HK1: variants seen among roughly 807,000 people sequenced by gnomAD.
HK1 encodes hexokinase 1.
In HK1, 28 loss-of-function variants were observed where a neutral mutation model predicts 91.6. The ratio of observed to expected loss-of-function variants is 0.31; its 90% CI spans 0.23 to 0.42. HK1 has a LOEUF of 0.42. Ranked by LOEUF, HK1 falls within the 10% of genes least tolerant of loss-of-function variation. The pLI is 1.00. For synonymous variants in HK1, 430 were observed against 468.1 expected (o/e 0.92, Z 1.05); for missense variants, 770 against 1,219.8 (o/e 0.63, Z 5.49).
intron 12 of HK1, among the ~76,000 whole-genome samples, chr10:69,385,143 T>G (rs185751869): frequency 2.0e-5 from 3 of 152,274 alleles, no homozygotes; most frequent in Admixed American, 2.0e-4. Flanking sequence ...CTTCTGGTCC[T>G]CCAAGCAAAA....
rs1267058895 is a variant in HK1, at chr10:69,401,611, C to T, written c.*476C>T. The T allele has an allele frequency of 3.5e-5, 14 of 397,154 alleles. No individual in the cohort carries two copies. Among genetic ancestry groups the T allele is most frequent in the Non-Finnish European group, 6.9e-5 (14 of 202,360 alleles). 24.6% of individuals were successfully genotyped at this position (397,154 alleles called of 1,614,324 possible). On this transcript the variant is annotated 3_prime_UTR_variant, in exon 18 of 18. Coordinates refer to ENST00000359426, the MANE Select transcript of HK1 (RefSeq NM_000188.3). ...AAGGCGAGTGTGGGCATAGCATTAG[C>T]TGCTTCCTCCCCTCCTGGCACCCAC... is the stretch of plus-strand genomic sequence containing the variant.
chr10:69,348,690 A>T (rs1848691939), intron 2 of HK1, among the ~76,000 whole-genome samples: 3 of 152,178 alleles, frequency 2.0e-5, no homozygotes, highest in Admixed American at 2.0e-4. Flanking sequence ...CGGTGCCTGT[A>T]ATCCCAGCTA....
At chr10:69,372,159 G>T (rs1343295956) in intron 7 of HK1, among the ~76,000 whole-genome samples, 1 of 152,186 alleles carries the variant, frequency 6.6e-6, no homozygotes, top group Non-Finnish European at 1.5e-5. Flanking sequence ...TCAATATCAC[G>T]AGAATTGCGT....
chr10:69,284,678 G>A lies in HK1; in HGVS notation c.-215+1974G>A, dbSNP rs568441694. ...TTCTGAGACAGAATCTTGCCCTGTC[G>A]CCCAGGCTGGAGTGCAGTGGCACAA... On this transcript the variant is annotated intron_variant, in intron 2 of 21. Transcript: ENST00000360289. Among the ~76,000 whole-genome samples, 7 of 152,208 alleles carry A rather than the reference G, an allele frequency of 4.6e-5. No individual in the cohort carries two copies. The East Asian group carries it at 5.8e-4, about 13-fold the overall frequency.
rs1183371825 is a variant in HK1, at chr10:69,369,198, T to A, written c.592-39T>A. 6.9e-7 allele frequency: 1 copy of A among 1,450,116 alleles called. No homozygotes were observed. The highest frequency in any genetic ancestry group is 2.3e-5 in the East Asian group (1 of 44,134). The allele number at this position is 1,450,116 out of a possible 1,614,324, so 89.8% of individuals were successfully genotyped here. A position where few individuals can be genotyped will look rare whatever the true frequency, so the allele number is the denominator to read the frequency against. The stretch of plus-strand genomic sequence containing the variant: ...TTAAGGTGTGTGATCTCTGCTCCCA[T>A]GTGTGAGTGGACAATGACACCCCGT... On this transcript the variant is annotated intron_variant, in intron 5 of 17. Transcript: ENST00000359426. The surrounding 1 kb of genome is among the most constrained non-coding windows in gnomAD (Gnocchi z 4.4).
chr10:69,400,983 C>T lies in HK1; in HGVS notation c.2610-8C>T, dbSNP rs1305618104. ...TCCAACTACCTTCTGTTTTCTCGTC[C>T]TTTTTAGCTTCTCCAGAATCATGCA... On this transcript the variant is annotated splice_polypyrimidine_tract_variant and splice_region_variant and intron_variant, in intron 17 of 17. Coordinates refer to ENST00000359426, the MANE Select transcript of HK1 (RefSeq NM_000188.3). The T allele has an allele frequency of 6.2e-7, 1 of 1,614,086 alleles. No individual in the cohort carries two copies. Among genetic ancestry groups the T allele is most frequent in the African/African-American group, 1.3e-5 (1 of 74,936 alleles).
Position 69,380,447 on chromosome 10 carries a change from G to A in HK1, c.1265+352G>A, listed in dbSNP as rs1197933260. ...TGCTTCTGCACTCTGTCGTTACCTC[G>A]CCCTGTCAAAAGTCGAGATGGAGAT... is the stretch of plus-strand genomic sequence containing the variant. On this transcript the variant is annotated intron_variant, in intron 9 of 17. Coordinates refer to ENST00000359426, the MANE Select transcript of HK1 (RefSeq NM_000188.3). The surrounding 1 kb of genome is among the most constrained non-coding windows in gnomAD (Gnocchi z 4.0). Among the ~76,000 whole-genome samples the A allele has an allele frequency of 6.6e-6, 1 of 152,062 alleles. No individual in the cohort carries two copies. Among genetic ancestry groups the A allele is most frequent in the African/African-American group, 2.4e-5 (1 of 41,404 alleles).
chr10:69,338,594 C>A, intron 1 of HK1: 1 of 1,289,354 alleles, frequency 7.8e-7, no homozygotes, highest in Non-Finnish European at 1.0e-6. Context: ...AGGGATTCTT[C>A]GGGCACTGAT....
intron 5 of HK1, among the ~76,000 whole-genome samples, chr10:69,309,466 C>T (rs1846256620): frequency 7.5e-6 from 1 of 134,120 alleles, no homozygotes; most frequent in Non-Finnish European, 1.6e-5. Context: ...CAGGTGTGAG[C>T]CACCGCGCCT....
intron 1 of HK1, among the ~76,000 whole-genome samples, chr10:69,343,400 A>G (rs1343942993): frequency 2.0e-5 from 3 of 152,198 alleles, no homozygotes; most frequent in Non-Finnish European, 4.4e-5. Context: ...CTCTGGGGCT[A>G]GGATTGAACC....
intron 5 of HK1, among the ~76,000 whole-genome samples, chr10:69,301,244 CAAA>C (rs35215102): frequency 1.8e-5 from 2 of 113,464 alleles, no homozygotes; most frequent in African/African-American, 6.8e-5. Flanking sequence ...GACTCCATCT[CAAA>C]AAAAAAAAAA....
chr10:69,377,231 A>G, intron 8 of HK1, 142 bp downstream of exon 8: 1 of 960,038 alleles, frequency 1.0e-6, no homozygotes, highest in Non-Finnish European at 1.6e-6. Flanking sequence ...TCTCACTCTT[A>G]GTTGACCCAT....
At chr10:69,328,346 C>G (rs1054237318) in intron 1 of HK1, among the ~76,000 whole-genome samples, 2 of 152,192 alleles carry the variant, frequency 1.3e-5, no homozygotes, top group East Asian at 1.9e-4. Context: ...CTCGAGGGTG[C>G]CTTACAGGGA....
In HK1 at chr10:69,352,471, G is replaced by T. The variant is rs1256226634; in HGVS notation, c.227-7426G>T. Among the ~76,000 whole-genome samples, 5 of 151,972 alleles carry T rather than the reference G, an allele frequency of 3.3e-5. No individual in the cohort carries two copies. In the South Asian group the frequency reaches 6.2e-4, roughly 19 times the overall value. ...TCCCTTGTTCTCTCTCTTTCCTTTG[G>T]ACCACAAATAATTTAAAACCAGTGG... On this transcript the variant is annotated intron_variant, in intron 2 of 17. Transcript: ENST00000359426.
At chr10:69,282,992 G>T (rs1844825911) in intron 2 of HK1, among the ~76,000 whole-genome samples, 1 of 151,404 alleles carries the variant, frequency 6.6e-6, no homozygotes, top group Non-Finnish European at 1.5e-5. Flanking sequence ...TGGGTATGGT[G>T]GCAGGCGCCT....
At chr10:69,384,045 A>AT (rs1321697932) in intron 10 of HK1, among the ~76,000 whole-genome samples, 1 of 152,172 alleles carries the variant, frequency 6.6e-6, no homozygotes, top group African/African-American at 2.4e-5. Flanking sequence ...ATAAATTATT[A>AT]TTTTTTGTAG....
chr10:69,358,962 C>A (rs1454530569), intron 2 of HK1, among the ~76,000 whole-genome samples: 1 of 151,164 alleles, frequency 6.6e-6, no homozygotes, highest in African/African-American at 2.4e-5. Flanking sequence ...GTGAGAGGAT[C>A]TTGGGAGCCC....
At chr10:69,378,936 C>G (rs1012490270) in intron 8 of HK1, among the ~76,000 whole-genome samples, 2 of 152,074 alleles carry the variant, frequency 1.3e-5, no homozygotes, top group African/African-American at 4.8e-5. Flanking sequence ...TCTCACTTCC[C>G]CATCTTGTCT....
chr10:69,345,324 C>T (rs551072983), intron 2 of HK1, among the ~76,000 whole-genome samples: 1 of 152,302 alleles, frequency 6.6e-6, no homozygotes, highest in African/African-American at 2.4e-5. Context: ...TTAAGAACTA[C>T]TGAAGAGATT....
Sources: allele counts gnomAD v4.1 joint callset (sites outside exome capture counted in the v4.1 genomes callset), GRCh38; gene constraint gnomAD v4.1.1; non-coding constraint Gnocchi (gnomAD v3.1); transcripts MANE v1.5; gene names NCBI Gene and HGNC (gene_info 2026-07-23, HGNC 2026-07-21).